SAMHD1: variants seen among roughly 807,000 people sequenced by gnomAD.
The protein encoded by SAMHD1 is SAM and HD domain containing deoxynucleoside triphosphate triphosphohydrolase 1, also known as deoxynucleoside triphosphate triphosphohydrolase SAMHD1.
A neutral mutation model predicts 79.6 loss-of-function variants in SAMHD1; 54 were observed. That is an observed-to-expected ratio of 0.68 (90% CI 0.55 to 0.85). The LOEUF (loss-of-function observed/expected upper bound fraction) is 0.85, where lower values mean the gene tolerates loss of function less well. SAMHD1 is among the 40% of genes least tolerant of loss of function. The probability of loss-of-function intolerance (pLI) is 0.00; values close to 1 mark genes in which losing one functional copy is unlikely to be tolerated. For missense variants in SAMHD1, 663 were observed against 782.7 expected (o/e 0.85, Z 1.82); for synonymous variants, 260 against 264.1 (o/e 0.98, Z 0.15).
chr20:36,898,303 C>T, intron 14 of SAMHD1, 137 bp downstream of exon 14: 1 of 735,680 alleles, frequency 1.4e-6, no homozygotes, highest in African/African-American at 1.7e-5. Context: ...ACTGGGATTA[C>T]AGGTATGAGC....
At chr20:36,940,096 A>G (rs569881246) in intron 3 of SAMHD1, 1 of 152,074 alleles carries the variant, frequency 6.6e-6, no homozygotes, top group South Asian at 2.1e-4. Context: ...AATCCCAGCT[A>G]CTTGGGAGGC....
intron 3 of SAMHD1, 81 bp from the exon 4 acceptor site, chr20:36,935,270 T>C: frequency 3.5e-6 from 4 of 1,131,790 alleles, no homozygotes; most frequent in East Asian, 2.5e-5. Context: ...CTAATTATAG[T>C]GCAAAGTCAA....
intron 6 of SAMHD1, among the ~76,000 whole-genome samples, chr20:36,925,781 C>T (rs1368870260): frequency 1.3e-5 from 2 of 151,946 alleles, no homozygotes; most frequent in Non-Finnish European, 2.9e-5. Flanking sequence ...CCATGAAATA[C>T]CATTTGACAC....
At chr20:36,898,231 T>C (rs188953225) in intron 14 of SAMHD1, among the ~76,000 whole-genome samples, 15 of 152,284 alleles carry the variant, frequency 9.9e-5, no homozygotes, top group Middle Eastern at 3.4e-3. Flanking sequence ...TCTCGCTTTG[T>C]TGGCCAGGCT....
In SAMHD1 at chr20:36,951,449, C is replaced by A. The variant is rs202024857; in HGVS notation, c.195G>T (p.Leu65=). 2.5e-4 allele frequency: 397 copies of A among 1,614,040 alleles called. No individual in the cohort carries two copies. The highest frequency in any genetic ancestry group is 3.3e-4 in the Non-Finnish European group (385 of 1,179,968). ...RRGGFEEPVL[L]KNIRENEITG... is the part of the protein sequence containing the mutation. ...CGGAGCCGCTACCTCGGATGTTCTT[C>A]AGCAGCACCGGCTCTTCAAAGCCAC... The change falls in exon 1 of 16, where the codon CTG becomes CTT. Residue 65 remains leucine (L), a synonymous_variant. Coordinates refer to ENST00000646673, the MANE Select transcript of SAMHD1 (RefSeq NM_015474.4).
At chr20:36,942,446 C>A (rs2063652438) in intron 2 of SAMHD1, among the ~76,000 whole-genome samples, 1 of 152,042 alleles carries the variant, frequency 6.6e-6, no homozygotes, top group Non-Finnish European at 1.5e-5. Context: ...AAACCAAAAT[C>A]ACTGATTAGA....
At chr20:36,924,658 G>A (rs1240696807) in intron 6 of SAMHD1, among the ~76,000 whole-genome samples, 3 of 152,122 alleles carry the variant, frequency 2.0e-5, no homozygotes, top group Admixed American at 1.3e-4. Flanking sequence ...TGACATGATT[G>A]CTGTTCTATT....
intron 1 of SAMHD1, chr20:36,947,136 A>G: frequency 3.6e-6 from 1 of 281,542 alleles, no homozygotes; most frequent in South Asian, 3.6e-5. Context: ...TGGGGAGGGA[A>G]GGAAACCTAA....
intron 15 of SAMHD1, chr20:36,893,629 A>G (rs1217559293): frequency 8.2e-6 from 3 of 367,348 alleles, no homozygotes; most frequent in African/African-American, 2.1e-5. Context: ...ACGTGAAACC[A>G]TAGAGGTAAG....
chr20:36,916,624 C>T (rs2063477392), intron 9 of SAMHD1, 98 bp downstream of exon 9: 2 of 861,256 alleles, frequency 2.3e-6, no homozygotes, highest in African/African-American at 1.7e-5. Flanking sequence ...AGTAAAGAGA[C>T]TGACGATTTA....
At chr20:36,898,225 G>A (rs1295377640) in intron 14 of SAMHD1, among the ~76,000 whole-genome samples, 1 of 151,974 alleles carries the variant, frequency 6.6e-6, no homozygotes, top group East Asian at 1.9e-4. Context: ...ATGGGGTCTC[G>A]CTTTGTTGGC....
chr20:36,909,194 T>G (rs1212335348), intron 11 of SAMHD1, among the ~76,000 whole-genome samples: 1 of 152,082 alleles, frequency 6.6e-6, no homozygotes, highest in Non-Finnish European at 1.5e-5. Flanking sequence ...ACTCCTGACC[T>G]CAGGTAATCT....
chr20:36,940,715 T>C (rs764385786), intron 3 of SAMHD1: 1 of 346,880 alleles, frequency 2.9e-6, no homozygotes, highest in Non-Finnish European at 5.4e-6. Context: ...AAAAAAAGAA[T>C]GTACAAAGGA....
intron 13 of SAMHD1, among the ~76,000 whole-genome samples, chr20:36,898,928 A>AAAG (rs1228824501): frequency 6.6e-6 from 1 of 150,682 alleles, no homozygotes; most frequent in Non-Finnish European, 1.5e-5. Context: ...AAAAAAAAAA[A>AAAG]AAAGAAAGAA....
Position 36,935,074 on chromosome 20 carries a change from T to C in SAMHD1, c.464A>G (p.Tyr155Cys), listed in dbSNP as rs1306109528. 16 of 1,614,130 alleles carry C rather than the reference T, an allele frequency of 9.9e-6. No individual in the cohort carries two copies. The highest frequency in any genetic ancestry group is 5.5e-5 in the South Asian group (5 of 91,076). Residue 155 changes from tyrosine to cysteine, a missense_variant, in exon 4 of 16, where the codon TAT becomes TGT. Coordinates refer to ENST00000646673, the MANE Select transcript of SAMHD1 (RefSeq NM_015474.4). ...RYIKQLGGGY[Y>C]VFPGASHNRF... ...ATTGTGTGAAGCTCCTGGAAAAACA[T>C]AGTAACCACCTCCCAGCTGTTTGAT...
chr20:36,926,586 AAG>A (rs779984028), intron 6 of SAMHD1, among the ~76,000 whole-genome samples: 8 of 152,230 alleles, frequency 5.3e-5, no homozygotes, highest in East Asian at 3.9e-4. Context: ...ACCTCAAAAA[AAG>A]AGAGAGAGAA....
At chr20:36,942,046 A>G (rs531804985) in intron 2 of SAMHD1, among the ~76,000 whole-genome samples, 16 of 152,308 alleles carry the variant, frequency 1.1e-4, no homozygotes, top group Non-Finnish European at 2.4e-4. Context: ...GAGTCATAGC[A>G]TAAAATATCA....
chr20:36,918,398 C>T (rs1412578950), intron 7 of SAMHD1, among the ~76,000 whole-genome samples: 1 of 151,234 alleles, frequency 6.6e-6, no homozygotes, highest in Non-Finnish European at 1.5e-5. Context: ...GTGGGAGAAT[C>T]ACTTGAGCCC....
intron 15 of SAMHD1, chr20:36,894,180 T>C: frequency 5.2e-6 from 2 of 383,884 alleles, no homozygotes; most frequent in Non-Finnish European, 9.2e-6. Flanking sequence ...AAATTTTTTC[T>C]GTTGAACTAC....
Sources: gnomAD v4.1 joint callset for allele counts (sites outside exome capture counted in the v4.1 genomes callset) on GRCh38, gnomAD v4.1.1 for gene constraint, MANE v1.5 for transcripts, NCBI Gene and HGNC (gene_info 2026-07-23, HGNC 2026-07-21) for gene names.